The following COA1 variants were observed in gnomAD, a reference collection of about 807,000 sequenced individuals.
COA1 encodes cytochrome c oxidase assembly factor 1, also known as cytochrome c oxidase assembly factor 1 homolog.
A neutral mutation model predicts 16.0 loss-of-function variants in COA1; 13 were observed. The observed-to-expected ratio is 0.81, with a 90% CI of 0.53 to 1.29. The LOEUF (loss-of-function observed/expected upper bound fraction) is 1.29. Ranked by LOEUF, COA1 falls within the 50% of genes most tolerant of loss-of-function variation. COA1 has a pLI of 0.00. For synonymous variants in COA1, 65 were observed against 65.7 expected (o/e 0.99, Z 0.05); for missense variants, 179 against 177.0 (o/e 1.01, Z -0.06).
chr7:43,726,816 T>G (rs542839975), intron 1 of COA1, among the ~76,000 whole-genome samples: 2 of 152,256 alleles, frequency 1.3e-5, no homozygotes, highest in South Asian at 4.1e-4. Flanking sequence ...CTAGAATATA[T>G]AAAGAACTCT....
chr7:43,687,776 TAA>T (rs879798429), intron 1 of COA1, among the ~76,000 whole-genome samples: 1 of 142,808 alleles, frequency 7.0e-6, no homozygotes, highest in Non-Finnish European at 1.5e-5. Flanking sequence ...TCCCAAAACC[TAA>T]AAAAAAAAAA....
At chr7:43,677,109 CTA>C (rs1422999861) in intron 1 of COA1, among the ~76,000 whole-genome samples, 4 of 152,116 alleles carry the variant, frequency 2.6e-5, no homozygotes, top group South Asian at 2.1e-4. Flanking sequence ...TCTTTGCTTT[CTA>C]TATGTTTTTC....
At chr7:43,637,834 A>G (rs2086158646), downstream of COA1, among the ~76,000 whole-genome samples, 1 of 152,226 alleles carries the variant, frequency 6.6e-6, no homozygotes, top group Non-Finnish European at 1.5e-5. Flanking sequence ...ACTTACTTTT[A>G]CTTCAGAACA....
chr7:43,698,372 T>A (rs2094594301), intron 1 of COA1, among the ~76,000 whole-genome samples: 1 of 152,210 alleles, frequency 6.6e-6, no homozygotes, highest in African/African-American at 2.4e-5. Flanking sequence ...ATGTGAAAAC[T>A]GATACACAAT....
At chr7:43,649,833 G>A (rs1321368160) in intron 1 of COA1, 1 of 151,982 alleles carries the variant, frequency 6.6e-6, no homozygotes, top group African/African-American at 2.4e-5. Context: ...TTGCACAAAG[G>A]TGCCTTTGGG....
chr7:43,645,116 T>A (rs2088865103), intron 4 of COA1, 135 bp downstream of exon 4: 1 of 533,372 alleles, frequency 1.9e-6, no homozygotes, highest in African/African-American at 1.9e-5. Context: ...AAACTTTTTT[T>A]AAAGGTGCCA....
chr7:43,673,198 A>C (rs2093355976), intron 1 of COA1, among the ~76,000 whole-genome samples: 1 of 152,252 alleles, frequency 6.6e-6, no homozygotes, highest in Non-Finnish European at 1.5e-5. Context: ...CTGTGCAGCA[A>C]AGAAACTATC....
intron 1 of COA1, among the ~76,000 whole-genome samples, chr7:43,665,200 A>G (rs942585116): frequency 3.3e-5 from 5 of 152,270 alleles, no homozygotes; most frequent in Non-Finnish European, 5.9e-5. Flanking sequence ...TAAAATGGGG[A>G]AAAAAACAGA....
chr7:43,709,777 A>T (rs780990395), intron 1 of COA1, among the ~76,000 whole-genome samples: 2 of 152,094 alleles, frequency 1.3e-5, no homozygotes, highest in Non-Finnish European at 2.9e-5. Context: ...CTGCACTGTC[A>T]TATAAATTTA....
chr7:43,611,901 A>C (rs1253781488), intron 6 of COA1, among the ~76,000 whole-genome samples: 1 of 152,226 alleles, frequency 6.6e-6, no homozygotes, highest in Non-Finnish European at 1.5e-5. Flanking sequence ...ACCTGTGACT[A>C]TTCAAGAACT....
chr7:43,669,505 A>G (rs1002692209), intron 1 of COA1, among the ~76,000 whole-genome samples: 3 of 152,110 alleles, frequency 2.0e-5, no homozygotes, highest in African/African-American at 7.2e-5. Flanking sequence ...GCATTTGCAT[A>G]TTAAAAAGCT....
intron 1 of COA1, among the ~76,000 whole-genome samples, chr7:43,691,425 G>GAA (rs1554542698): frequency 0.011 from 361 of 31,630 alleles, no homozygotes; most frequent in East Asian, 0.039. Flanking sequence ...GAAAGAAAAA[G>GAA]AAAGAAAGAA....
chr7:43,651,877 G>A (rs565622465), intron 1 of COA1, among the ~76,000 whole-genome samples: 1 of 152,026 alleles, frequency 6.6e-6, no homozygotes, highest in East Asian at 1.9e-4. Flanking sequence ...TGCACCTGTG[G>A]TCCCAGCTAC....
chr7:43,710,375 A>AAAAATATATATAT (rs761592421), intron 1 of COA1, among the ~76,000 whole-genome samples: 2 of 36,434 alleles, frequency 5.5e-5, no homozygotes, highest in African/African-American at 1.3e-4. Flanking sequence ...AAAAAAAAAA[A>AAAAATATATATAT]ATATATATAT....
intron 1 of COA1, among the ~76,000 whole-genome samples, chr7:43,664,215 A>T (rs1301247253): frequency 6.6e-6 from 1 of 151,604 alleles, no homozygotes; most frequent in Non-Finnish European, 1.5e-5. Context: ...TTCTAGGTTC[A>T]AGCAATACTC....
At chr7:43,657,034 G>C (rs1021187353) in intron 1 of COA1, among the ~76,000 whole-genome samples, 1 of 151,754 alleles carries the variant, frequency 6.6e-6, no homozygotes, top group Non-Finnish European at 1.5e-5. Context: ...ATCTCAAAAA[G>C]AAATAAAATA....
intron 1 of COA1, among the ~76,000 whole-genome samples, chr7:43,682,893 A>C (rs879325794): frequency 1.3e-5 from 2 of 152,214 alleles, no homozygotes; most frequent in Non-Finnish European, 2.9e-5. Context: ...TCTGTCGCCC[A>C]GGCTGGAGTG....
intron 4 of COA1, 196 bp from the exon 5 acceptor site, chr7:43,640,845 TA>T (rs1376316492): frequency 3.9e-6 from 2 of 516,186 alleles, no homozygotes; most frequent in African/African-American, 4.0e-5. Context: ...GGTTGGCTGG[TA>T]AGGTCAATGG....
chr7:43,652,116 C>T (rs777158977), intron 1 of COA1, among the ~76,000 whole-genome samples: 14 of 152,200 alleles, frequency 9.2e-5, no homozygotes, highest in Non-Finnish European at 1.8e-4. Context: ...AATCTGCAGC[C>T]GGGCTTGGGA....
Sources: allele counts gnomAD v4.1 joint callset (sites outside exome capture counted in the v4.1 genomes callset), GRCh38; gene constraint gnomAD v4.1.1; transcripts MANE v1.5; gene names NCBI Gene and HGNC (gene_info 2026-07-23, HGNC 2026-07-21).